ZBTB7C: variants seen among roughly 807,000 people sequenced by gnomAD.
ZBTB7C encodes the protein zinc finger and BTB domain containing 7C, also known as zinc finger and BTB domain-containing protein 7C.
In ZBTB7C, 8 loss-of-function variants were observed where a neutral mutation model predicts 25.7. The ratio of observed to expected loss-of-function variants is 0.31; its 90% CI spans 0.18 to 0.56. The LOEUF is 0.56. Ranked by LOEUF, ZBTB7C falls within the 20% of genes least tolerant of loss-of-function variation. The pLI, the probability that ZBTB7C is intolerant of heterozygous loss-of-function variation, is 0.91. For missense variants in ZBTB7C, 824 were observed against 855.2 expected, an observed-to-expected ratio of 0.96 and a Z score of 0.46; for synonymous variants, 394 against 369.0, an observed-to-expected ratio of 1.07 and a Z score of -0.78.
chr18:48,303,580 G>C (rs2045595358), intron 2 of ZBTB7C, among the ~76,000 whole-genome samples: 1 of 152,216 alleles, frequency 6.6e-6, no homozygotes, highest in Non-Finnish European at 1.5e-5. Flanking sequence ...CATAAGAATA[G>C]AGATGGGGTG....
intron 3 of ZBTB7C, among the ~76,000 whole-genome samples, chr18:48,137,865 A>G (rs2040224336): frequency 6.6e-6 from 1 of 152,126 alleles, no homozygotes; most frequent in African/African-American, 2.4e-5. Context: ...GTGGCCAAAC[A>G]CCCTCTCCCA....
At chr18:48,327,187 A>G (rs938581773) in intron 2 of ZBTB7C, among the ~76,000 whole-genome samples, 7 of 152,100 alleles carry the variant, frequency 4.6e-5, no homozygotes, top group Admixed American at 2.0e-4. Flanking sequence ...GGAAGGCTGG[A>G]TGGCCTGGGA....
chr18:48,281,569 AGG>A (rs2044851614), intron 2 of ZBTB7C, among the ~76,000 whole-genome samples: 4 of 152,204 alleles, frequency 2.6e-5, no homozygotes, highest in Non-Finnish European at 5.9e-5. Context: ...CATCTGACAA[AGG>A]GCTAATATCC....
chr18:48,038,317 T>G (rs1053803567), intron 4 of ZBTB7C, among the ~76,000 whole-genome samples: 1 of 152,098 alleles, frequency 6.6e-6, no homozygotes, highest in Non-Finnish European at 1.5e-5. Context: ...TGGAAGCACC[T>G]GGGACAGATG....
At chr18:48,323,075 C>T (rs976235377) in intron 2 of ZBTB7C, among the ~76,000 whole-genome samples, 9 of 152,192 alleles carry the variant, frequency 5.9e-5, no homozygotes, top group African/African-American at 2.2e-4. Flanking sequence ...ACAGATAAAA[C>T]ACTACAAATT....
intron 2 of ZBTB7C, among the ~76,000 whole-genome samples, chr18:48,320,415 C>T (rs2046061568): frequency 6.6e-6 from 1 of 152,196 alleles, no homozygotes. Flanking sequence ...AAACATCTGA[C>T]ACATGTCAGA....
chr18:48,042,686 A>G (rs1329176876), intron 3 of ZBTB7C, among the ~76,000 whole-genome samples: 1 of 152,216 alleles, frequency 6.6e-6, no homozygotes, highest in Non-Finnish European at 1.5e-5. Flanking sequence ...TCCCTAAGCA[A>G]TCCCACTGGC....
At chr18:48,264,376 A>G (rs534447446) in intron 2 of ZBTB7C, among the ~76,000 whole-genome samples, 1 of 148,208 alleles carries the variant, frequency 6.7e-6, no homozygotes, top group Non-Finnish European at 1.5e-5. Context: ...GCCGCATGTC[A>G]CTCCCCACAG....
In ZBTB7C at chr18:48,119,645, C is replaced by T. The variant is rs541686635; in HGVS notation, c.-17+66289G>A. On this transcript the variant is annotated intron_variant, in intron 3 of 4. Transcript: ENST00000590800. ...AGTTCATGTGTAACAGGCAGGTCCT[C>T]CTGGCCCAACCAGGAACTCCTGGTG... Among the ~76,000 whole-genome samples, 95 of 152,318 alleles carry T rather than the reference C, an allele frequency of 6.2e-4. 1 individual carries two copies. In the Middle Eastern group the frequency reaches 0.017, roughly 27 times the overall value.
rs1367104047 is a variant in ZBTB7C, at chr18:48,060,437, T to G, written c.-16-19314A>C. 2.0e-5 allele frequency among the ~76,000 whole-genome samples: 3 copies of G among 152,034 alleles called. No individual in the cohort carries two copies. The East Asian group carries it at 5.8e-4, about 29-fold the overall frequency. Reference sequence around the variant, plus strand: ...TCCCTCTTCCTTGCTCCTGACTCAGTGAATCAGCTTTCACTGTGGGAGCCC... The same window carrying G: ...TCCCTCTTCCTTGCTCCTGACTCAGGGAATCAGCTTTCACTGTGGGAGCCC... On this transcript the variant is annotated intron_variant, in intron 3 of 4. Coordinates refer to ENST00000590800, the MANE Select transcript of ZBTB7C (RefSeq NM_001318841.2).
At chr18:48,099,607 C>A (rs2038759800) in intron 3 of ZBTB7C, among the ~76,000 whole-genome samples, 1 of 152,214 alleles carries the variant, frequency 6.6e-6, no homozygotes, top group South Asian at 2.1e-4. Context: ...AGGGACTGTG[C>A]AAGTTTGGTA....
At chr18:48,082,757 T>C (rs112169459) in intron 3 of ZBTB7C, among the ~76,000 whole-genome samples, 2 of 152,178 alleles carry the variant, frequency 1.3e-5, no homozygotes, top group Admixed American at 1.3e-4. Context: ...TGGGCCCATT[T>C]TAGAGATGAG....
intron 2 of ZBTB7C, among the ~76,000 whole-genome samples, chr18:48,240,696 T>C (rs2144353683): frequency 6.6e-6 from 1 of 151,804 alleles, no homozygotes; most frequent in Admixed American, 6.6e-5. Context: ...CTCAAAGGAG[T>C]TCTAAATCTT....
chr18:48,279,144 C>T (rs957678936), intron 2 of ZBTB7C, among the ~76,000 whole-genome samples: 72 of 152,152 alleles, frequency 4.7e-4, no homozygotes, highest in African/African-American at 1.7e-3. Context: ...ACCATGGAGA[C>T]GGTCCCCCCG....
chr18:48,336,286 G>A (rs991955882), intron 2 of ZBTB7C, among the ~76,000 whole-genome samples: 4 of 152,170 alleles, frequency 2.6e-5, no homozygotes, highest in Admixed American at 6.5e-5. Context: ...CTGGAAGTTA[G>A]AAGGCACTTC....
chr18:48,048,103 C>A (rs904337659), intron 3 of ZBTB7C, among the ~76,000 whole-genome samples: 2 of 152,136 alleles, frequency 1.3e-5, no homozygotes, highest in Non-Finnish European at 2.9e-5. Context: ...TCAGAGCCAG[C>A]CTGGAAAGAT....
intron 4 of ZBTB7C, among the ~76,000 whole-genome samples, chr18:48,035,647 C>T (rs7237916): frequency 0.04 from 6,153 of 152,318 alleles, 438 homozygotes; most frequent in African/African-American, 0.14. Flanking sequence ...CTGGGATGTC[C>T]GTGGGCAGGG....
At chr18:48,185,001 C>G (rs970814832) in intron 3 of ZBTB7C, among the ~76,000 whole-genome samples, 2 of 152,122 alleles carry the variant, frequency 1.3e-5, no homozygotes, top group African/African-American at 4.8e-5. Flanking sequence ...GACAAACAGG[C>G]AGAAACTAAA....
chr18:48,089,954 G>A (rs865834435), intron 3 of ZBTB7C, among the ~76,000 whole-genome samples: 2 of 152,228 alleles, frequency 1.3e-5, no homozygotes, highest in Non-Finnish European at 2.9e-5. Context: ...CCCAAGACCA[G>A]CAAGGATAGT....
Sources: allele counts gnomAD v4.1 joint callset (sites outside exome capture counted in the v4.1 genomes callset), GRCh38; gene constraint gnomAD v4.1.1; transcripts MANE v1.5; gene names NCBI Gene and HGNC (gene_info 2026-07-23, HGNC 2026-07-21).